Variants in NTRK3 observed in about 807,000 individuals in gnomAD.
NTRK3 encodes neurotrophic receptor tyrosine kinase 3.
A neutral mutation model predicts 91.7 loss-of-function variants in NTRK3; 24 were observed. The observed-to-expected ratio is 0.26, with a 90% CI of 0.19 to 0.37. The LOEUF (loss-of-function observed/expected upper bound fraction) is 0.37, where lower values mean the gene tolerates loss of function less well. Ranked by LOEUF, NTRK3 falls within the 10% of genes least tolerant of loss-of-function variation. The pLI is 1.00. For synonymous variants in NTRK3, 483 were observed against 404.0 expected, an observed-to-expected ratio of 1.20 and a Z score of -2.34; for missense variants, 880 against 1,068.9, an observed-to-expected ratio of 0.82 and a Z score of 2.46.
chr15:87,860,237 G>C (rs914151257), exon 19 of NTRK3: 1 of 219,166 alleles, frequency 4.6e-6, no homozygotes, highest in Non-Finnish European at 9.2e-6. Flanking sequence ...GTATGGGGCC[G>C]AGACTGAAGG....
intron 3 of NTRK3, among the ~76,000 whole-genome samples, chr15:88,227,425 G>T (rs1227176721): frequency 1.3e-5 from 2 of 152,150 alleles, no homozygotes; most frequent in African/African-American, 4.8e-5. Context: ...ATACAATGAG[G>T]TCATTAGGAT....
At chr15:88,082,881 T>C (rs1216441962) in intron 13 of NTRK3, among the ~76,000 whole-genome samples, 2 of 152,178 alleles carry the variant, frequency 1.3e-5, no homozygotes, top group Admixed American at 6.5e-5. Flanking sequence ...CAAAGACTTC[T>C]CTTGCCCAAA....
intron 3 of NTRK3, among the ~76,000 whole-genome samples, chr15:88,200,178 G>A (rs531262647): frequency 6.6e-5 from 10 of 152,304 alleles, no homozygotes. Context: ...AGGACTCAAT[G>A]GCCAGAAGCC....
chr15:88,150,461 C>A (rs11073765), intron 5 of NTRK3, among the ~76,000 whole-genome samples: 150,028 of 152,312 alleles, frequency 0.99, 73,920 homozygotes, highest in East Asian at 1. Context: ...GTCCTGGGAC[C>A]CCTGTTAAGG....
At chr15:88,067,368 GAA>G (rs2046742146) in intron 13 of NTRK3, among the ~76,000 whole-genome samples, 1 of 152,136 alleles carries the variant, frequency 6.6e-6, no homozygotes, top group South Asian at 2.1e-4. Flanking sequence ...TATTTAGATA[GAA>G]TATCTACCAT....
chr15:87,908,196 T>G (rs1319932029), intron 17 of NTRK3, among the ~76,000 whole-genome samples: 5 of 152,198 alleles, frequency 3.3e-5, no homozygotes, highest in Admixed American at 3.3e-4. Context: ...ACAGAAGCCC[T>G]GGCAGCCATG....
At chr15:87,962,149 G>T (rs1411593347) in intron 14 of NTRK3, among the ~76,000 whole-genome samples, 1 of 152,176 alleles carries the variant, frequency 6.6e-6, no homozygotes, top group African/African-American at 2.4e-5. Context: ...CCCACACCCA[G>T]CTTTTTTCTC....
chr15:87,898,129 T>C (rs1216801441), intron 17 of NTRK3, among the ~76,000 whole-genome samples: 2 of 152,216 alleles, frequency 1.3e-5, no homozygotes, highest in Non-Finnish European at 1.5e-5. Context: ...ATGATTATGA[T>C]CATGTGTGTT....
chr15:87,918,666 A>G (rs2067633422), intron 17 of NTRK3, among the ~76,000 whole-genome samples: 2 of 152,216 alleles, frequency 1.3e-5, no homozygotes, highest in Admixed American at 6.5e-5. Context: ...ATCTGTTCTT[A>G]TATTCCCTAT....
intron 17 of NTRK3, among the ~76,000 whole-genome samples, chr15:87,896,762 G>A (rs2066149390): frequency 6.6e-6 from 1 of 152,174 alleles, no homozygotes; most frequent in South Asian, 2.1e-4. Context: ...AAACCCCACA[G>A]ATGAAAGCTT....
intron 13 of NTRK3, among the ~76,000 whole-genome samples, 165 bp from the exon 14 acceptor site, chr15:88,033,210 AT>A: frequency 8.2e-6 from 1 of 121,306 alleles, no homozygotes; most frequent in Middle Eastern, 4.2e-3. Context: ...ATATATATAT[AT>A]ATATAAATTC....
At chr15:88,002,179 T>G (rs982824019) in intron 14 of NTRK3, among the ~76,000 whole-genome samples, 34 of 146,590 alleles carry the variant, frequency 2.3e-4, no homozygotes, top group Non-Finnish European at 2.4e-4. Flanking sequence ...TTTTTTTTTT[T>G]TTTTTTTTTT....
intron 17 of NTRK3, among the ~76,000 whole-genome samples, chr15:87,921,398 G>A (rs1041525055): frequency 2.6e-5 from 4 of 152,160 alleles, no homozygotes; most frequent in Non-Finnish European, 5.9e-5. Context: ...ATCTGGATAA[G>A]CCCTCTCCAA....
chr15:88,123,117 A>G (rs767385011), intron 13 of NTRK3, among the ~76,000 whole-genome samples: 2 of 152,158 alleles, frequency 1.3e-5, no homozygotes, highest in African/African-American at 2.4e-5. Flanking sequence ...AATAAAAGGA[A>G]CCTATGAAGG....
chr15:88,120,383 A>G (rs920837742), intron 13 of NTRK3, among the ~76,000 whole-genome samples: 1 of 152,240 alleles, frequency 6.6e-6, no homozygotes, highest in African/African-American at 2.4e-5. Context: ...ACGCTAATTT[A>G]CAATGGAACA....
chr15:87,912,931 A>AAAAAATAT (rs1484111389), intron 17 of NTRK3, among the ~76,000 whole-genome samples: 18 of 36,486 alleles, frequency 4.9e-4, no homozygotes, highest in Admixed American at 1.6e-3. Context: ...AGTAAAAAAA[A>AAAAAATAT]ATATATATAT....
chr15:88,033,210 A>ATATATATATGTATG (rs1301860999), intron 13 of NTRK3, among the ~76,000 whole-genome samples, 165 bp from the exon 14 acceptor site: 1 of 121,326 alleles, frequency 8.2e-6, no homozygotes, highest in African/African-American at 3.5e-5. Flanking sequence ...ATATATATAT[A>ATATATATATGTATG]TATATAAATT....
rs902972029 is a variant in NTRK3, at chr15:88,234,861, C to A, written c.248+21045G>T. 5.3e-5 allele frequency among the ~76,000 whole-genome samples: 8 copies of A among 152,162 alleles called. No homozygotes were observed. In the South Asian group the frequency reaches 1.7e-3, roughly 31 times the overall value. On this transcript the variant is annotated intron_variant, in intron 3 of 18. Transcript: ENST00000394480. The surrounding 1 kb of genome is among the most constrained non-coding windows in gnomAD (Gnocchi z 6.1). ...AGACCTCTCCAACCTCCCACTCCCACCAGCGCACCCTACTCAGCCCTGCTC... is the reference window on the plus strand; with the variant it reads ...AGACCTCTCCAACCTCCCACTCCCAACAGCGCACCCTACTCAGCCCTGCTC...
In NTRK3 at chr15:87,986,195, C is replaced by T. The variant is rs16941110; in HGVS notation, c.1586-45442G>A. On this transcript the variant is annotated intron_variant, in intron 14 of 18. Coordinates refer to ENST00000394480, the Ensembl canonical transcript of NTRK3. ...GGTATTAATAATCTATCTTCATTGC[C>T]TTCCTTGTACTTCAAAATATCTGTC... Among the ~76,000 whole-genome samples the T allele has an allele frequency of 4.2e-3, 640 of 152,280 alleles. 13 individuals are homozygous for T. Among genetic ancestry groups the T allele is most frequent in the African/African-American group, 0.015 (609 of 41,560 alleles).
Sources: gnomAD v4.1 joint callset for allele counts (sites outside exome capture counted in the v4.1 genomes callset) on GRCh38, gnomAD v4.1.1 for gene constraint, Gnocchi (gnomAD v3.1) non-coding constraint, MANE v1.5 for transcripts, NCBI Gene and HGNC (gene_info 2026-07-23, HGNC 2026-07-21) for gene names.